Variants in KCNIP4 observed in about 807,000 individuals in gnomAD.
The protein encoded by KCNIP4 is Kv channel-interacting protein 4.
In KCNIP4, 12 loss-of-function variants were observed where a neutral mutation model predicts 34.0. That is an observed-to-expected ratio of 0.35 (90% confidence interval 0.23 to 0.57). KCNIP4 has a LOEUF of 0.57. KCNIP4 is among the 20% of genes least tolerant of loss of function. The probability of loss-of-function intolerance (pLI) is 0.83; values close to 1 mark genes in which losing one functional copy is unlikely to be tolerated. For synonymous variants in KCNIP4, 124 were observed against 102.2 expected (o/e 1.21, Z -1.29); for missense variants, 238 against 311.7 (o/e 0.76, Z 1.78).
At chr4:20,735,685 C>G (rs1258706290) in intron 5 of KCNIP4, among the ~76,000 whole-genome samples, 3 of 151,838 alleles carry the variant, frequency 2.0e-5, no homozygotes, top group South Asian at 4.2e-4. Flanking sequence ...TACAGGCACC[C>G]GCCACCATGC....
chr4:21,671,247 T>G (rs1749482308), intron 1 of KCNIP4, among the ~76,000 whole-genome samples: 1 of 152,180 alleles, frequency 6.6e-6, no homozygotes. Context: ...CTAACAAGAA[T>G]GGCTGGCTAT....
intron 1 of KCNIP4, among the ~76,000 whole-genome samples, chr4:21,119,727 T>A (rs1218540641): frequency 6.6e-6 from 1 of 152,008 alleles, no homozygotes; most frequent in Non-Finnish European, 1.5e-5. Context: ...AAGACAGTTT[T>A]TTTTTTCTCC....
intron 1 of KCNIP4, among the ~76,000 whole-genome samples, chr4:21,708,777 A>G (rs1322041544): frequency 6.6e-6 from 1 of 152,232 alleles, no homozygotes; most frequent in East Asian, 1.9e-4. Context: ...AGAAGTCATC[A>G]ACCGCAAGCA....
chr4:21,122,174 GTT>G (rs71818519), intron 1 of KCNIP4, among the ~76,000 whole-genome samples: 14 of 142,082 alleles, frequency 9.9e-5, no homozygotes, highest in South Asian at 2.2e-4. Flanking sequence ...TGCAGATCAA[GTT>G]TTTTTTTTTT....
intron 3 of KCNIP4, among the ~76,000 whole-genome samples, chr4:20,806,950 A>T (rs74487470): frequency 0.022 from 3,406 of 152,240 alleles, 36 homozygotes; most frequent in Non-Finnish European, 0.027. Context: ...AGTAACATTC[A>T]TTTAATCTGA....
intron 1 of KCNIP4, among the ~76,000 whole-genome samples, chr4:21,078,280 A>T (rs1745681128): frequency 6.6e-6 from 1 of 152,080 alleles, no homozygotes; most frequent in African/African-American, 2.4e-5. Flanking sequence ...TGTGGCTCCA[A>T]CCTGTCGTAA....
chr4:21,720,435 C>T (rs901361062), intron 1 of KCNIP4, among the ~76,000 whole-genome samples: 2 of 151,756 alleles, frequency 1.3e-5, no homozygotes, highest in African/African-American at 4.8e-5. Context: ...TGATAGAAAA[C>T]TTTTTTCTTA....
At chr4:21,593,981 A>G (rs1742425631) in intron 1 of KCNIP4, among the ~76,000 whole-genome samples, 1 of 152,168 alleles carries the variant, frequency 6.6e-6, no homozygotes, top group African/African-American at 2.4e-5. Context: ...CCTACCAGCC[A>G]ACATAATTTG....
intron 1 of KCNIP4, among the ~76,000 whole-genome samples, chr4:21,277,351 A>T (rs1158056105): frequency 6.6e-6 from 1 of 152,240 alleles, no homozygotes; most frequent in East Asian, 1.9e-4. Flanking sequence ...AGATCAAAAC[A>T]AATAGTATAA....
Position 21,491,564 on chromosome 4 carries a change from G to T in KCNIP4, c.61+457007C>A, listed in dbSNP as rs556434616. On this transcript the variant is annotated intron_variant, in intron 1 of 8. Coordinates refer to ENST00000382152, the MANE Select transcript of KCNIP4 (RefSeq NM_025221.6). Reference sequence around the variant, plus strand: ...AAATTTTTTTTATTTTTATTAAAGAGGTCTGGCTATGTTGCCCAGGCTGGT... The same window carrying T: ...AAATTTTTTTTATTTTTATTAAAGATGTCTGGCTATGTTGCCCAGGCTGGT... 3.3e-5 allele frequency among the ~76,000 whole-genome samples: 5 copies of T among 152,032 alleles called. No individual in the cohort carries two copies. In the South Asian group the frequency reaches 1.0e-3, roughly 32 times the overall value.
chr4:21,860,182 G>A (rs1357091303), intron 1 of KCNIP4, among the ~76,000 whole-genome samples: 3 of 152,202 alleles, frequency 2.0e-5, no homozygotes, highest in Non-Finnish European at 4.4e-5. Context: ...CGCCCAGGCT[G>A]GAGTGCAGTG....
intron 1 of KCNIP4, among the ~76,000 whole-genome samples, chr4:21,893,092 A>T (rs1385093453): frequency 6.6e-6 from 1 of 152,240 alleles, no homozygotes; most frequent in Non-Finnish European, 1.5e-5. Context: ...GATAACAAAT[A>T]TCTGACGAGT....
chr4:21,229,158 T>C (rs1758621209), intron 1 of KCNIP4, among the ~76,000 whole-genome samples: 1 of 152,132 alleles, frequency 6.6e-6, no homozygotes, highest in Non-Finnish European at 1.5e-5. Flanking sequence ...TTACCCCACA[T>C]CATCATCATT....
At chr4:21,340,514 T>C (rs765511654) in intron 1 of KCNIP4, among the ~76,000 whole-genome samples, 33 of 152,152 alleles carry the variant, frequency 2.2e-4, no homozygotes, top group Non-Finnish European at 4.0e-4. Context: ...CAGGATCTCA[T>C]AAACAGCAGT....
At chr4:21,060,553 G>A (rs1296020630) in intron 1 of KCNIP4, among the ~76,000 whole-genome samples, 1 of 152,158 alleles carries the variant, frequency 6.6e-6, no homozygotes, top group Non-Finnish European at 1.5e-5. Context: ...CAAGTGCAGA[G>A]TAATACTAGG....
chr4:20,851,396 G>T (rs1003118989), intron 2 of KCNIP4, among the ~76,000 whole-genome samples: 1 of 152,138 alleles, frequency 6.6e-6, no homozygotes, highest in Non-Finnish European at 1.5e-5. Context: ...GTATTCCATG[G>T]TGTATATGTA....
At chr4:21,129,130 A>G (rs1288308131) in intron 1 of KCNIP4, among the ~76,000 whole-genome samples, 3 of 152,000 alleles carry the variant, frequency 2.0e-5, no homozygotes, top group Non-Finnish European at 4.4e-5. Flanking sequence ...GTCTCATGAG[A>G]TCTCATGGTT....
intron 5 of KCNIP4, among the ~76,000 whole-genome samples, chr4:20,743,798 C>T (rs557852327): frequency 1.3e-5 from 2 of 152,094 alleles, no homozygotes; most frequent in East Asian, 3.9e-4. Context: ...GGAACTTCTG[C>T]ACAGCAAAAG....
intron 1 of KCNIP4, among the ~76,000 whole-genome samples, chr4:21,928,138 A>ACACG: frequency 6.6e-6 from 1 of 151,490 alleles, no homozygotes; most frequent in Admixed American, 6.6e-5. Context: ...ACACACACAC[A>ACACG]CACACACACC....
Sources: gnomAD v4.1 joint callset for allele counts (sites outside exome capture counted in the v4.1 genomes callset) on GRCh38, gnomAD v4.1.1 for gene constraint, MANE v1.5 for transcripts, NCBI Gene and HGNC (gene_info 2026-07-23, HGNC 2026-07-21) for gene names.